ARHGAP19: variants seen among roughly 807,000 people sequenced by gnomAD.
ARHGAP19 encodes the protein rho GTPase-activating protein 19.
ARHGAP19 carries 48 observed loss-of-function variants against 60.9 expected under a neutral mutation model. The ratio of observed to expected loss-of-function variants is 0.79; its 90% CI spans 0.62 to 1.00. The LOEUF is 1.00. Among genes scored for constraint, ARHGAP19 ranks in the 50% least tolerant of loss-of-function variants. The pLI is 0.00. For synonymous variants in ARHGAP19, 209 were observed against 215.5 expected, an observed-to-expected ratio of 0.97 and a Z score of 0.27; for missense variants, 562 against 597.2, an observed-to-expected ratio of 0.94 and a Z score of 0.61.
intron 1 of ARHGAP19, among the ~76,000 whole-genome samples, chr10:97,285,630 T>C (rs1405892185): frequency 1.3e-5 from 2 of 150,668 alleles, no homozygotes; most frequent in Admixed American, 6.6e-5. Context: ...CAAGCAATTA[T>C]CCTGCCTCAG....
At chr10:97,288,036 G>A (rs556761704) in intron 1 of ARHGAP19, among the ~76,000 whole-genome samples, 140 of 152,004 alleles carry the variant, frequency 9.2e-4, no homozygotes, top group African/African-American at 3.1e-3. Flanking sequence ...CATTCCAGCC[G>A]GGGCAACAAG....
chr10:97,266,406 C>A (rs1308004490), intron 1 of ARHGAP19, among the ~76,000 whole-genome samples: 1 of 152,160 alleles, frequency 6.6e-6, no homozygotes, highest in Non-Finnish European at 1.5e-5. Flanking sequence ...ATGCCTCTGA[C>A]CCATTCGTCA....
intron 1 of ARHGAP19, among the ~76,000 whole-genome samples, chr10:97,272,372 C>T (rs1156731033): frequency 1.3e-5 from 2 of 151,976 alleles, no homozygotes; most frequent in Non-Finnish European, 2.9e-5. Flanking sequence ...TGAGCTCAGG[C>T]AATCTGCCCG....
chr10:97,234,810 T>C (rs1851099696), intron 9 of ARHGAP19, among the ~76,000 whole-genome samples: 1 of 152,234 alleles, frequency 6.6e-6, no homozygotes. Context: ...ACTAGCCTAT[T>C]GGAAAATCCA....
rs936678162 is a variant in ARHGAP19, at chr10:97,225,984, G to C, written c.*138C>G. 1 of 847,710 alleles carries C rather than the reference G, an allele frequency of 1.2e-6. No homozygotes were observed. Among genetic ancestry groups the C allele is most frequent in the Non-Finnish European group, 1.9e-6 (1 of 532,108 alleles). 52.5% of individuals were successfully genotyped at this position (847,710 alleles called of 1,614,324 possible). On this transcript the variant is annotated 3_prime_UTR_variant, in exon 12 of 12. Coordinates refer to ENST00000358531, the MANE Select transcript of ARHGAP19 (RefSeq NM_032900.6). ...TGAGTGGGGTTAGAGGTATCAGTCG[G>C]GTCACGGTATTAGTTGGCTTTGACA...
intron 1 of ARHGAP19, chr10:97,277,995 T>A (rs1224571817): frequency 6.6e-6 from 1 of 152,370 alleles, no homozygotes; most frequent in East Asian, 1.9e-4. Context: ...CCACAGTTAC[T>A]ACATCAGGTA....
intron 9 of ARHGAP19, among the ~76,000 whole-genome samples, chr10:97,232,758 CA>C (rs565361873): frequency 4.8e-4 from 69 of 144,444 alleles, no homozygotes; most frequent in Middle Eastern, 3.5e-3. Flanking sequence ...AGCTGTACCT[CA>C]AAAAAAAAAA....
In ARHGAP19 at chr10:97,287,525, T is replaced by C. The variant is rs539998663; in HGVS notation, c.56+5047A>G. Among the ~76,000 whole-genome samples the C allele has an allele frequency of 1.6e-4, 25 of 152,264 alleles. No individual in the cohort carries two copies. The South Asian group carries it at 5.2e-3, about 32-fold the overall frequency. ...GGGAGGCCAAGGCAAGAGGAATGCT[T>C]GAGCCCAGGAGTTTGAGGCCCACCT... On this transcript the variant is annotated intron_variant, in intron 1 of 11. Coordinates refer to ENST00000358531, the MANE Select transcript of ARHGAP19 (RefSeq NM_032900.6).
intron 1 of ARHGAP19, among the ~76,000 whole-genome samples, chr10:97,289,003 G>A (rs11189104): frequency 6.6e-6 from 1 of 151,122 alleles, no homozygotes; most frequent in Non-Finnish European, 1.5e-5. Flanking sequence ...ATTTTTAGTA[G>A]AGACAGGGTT....
chr10:97,279,754 T>C (rs1168723751), intron 1 of ARHGAP19, among the ~76,000 whole-genome samples: 2 of 152,146 alleles, frequency 1.3e-5, no homozygotes, highest in African/African-American at 4.8e-5. Flanking sequence ...CCTCCCAAAG[T>C]GCTGGGATCA....
intron 1 of ARHGAP19, among the ~76,000 whole-genome samples, chr10:97,269,441 T>C (rs1431377293): frequency 1.3e-5 from 2 of 152,168 alleles, no homozygotes; most frequent in Non-Finnish European, 2.9e-5. Flanking sequence ...TTAAAATGCT[T>C]CTCTCTTCAA....
chr10:97,251,943 T>TATAGAGAAACAAGAATTTTACAATTC (rs1842688896), intron 6 of ARHGAP19, among the ~76,000 whole-genome samples: 1 of 150,894 alleles, frequency 6.6e-6, no homozygotes, highest in African/African-American at 2.4e-5. Flanking sequence ...ACAAGAAATT[T>TATAGAGAAACAAGAATTTTACAATTC]ATAGAGAAAC....
intron 1 of ARHGAP19, among the ~76,000 whole-genome samples, chr10:97,282,146 A>G (rs1050771217): frequency 6.6e-6 from 1 of 152,172 alleles, no homozygotes; most frequent in Non-Finnish European, 1.5e-5. Flanking sequence ...CATGTCATCC[A>G]AGCTTAACCA....
chr10:97,264,413 A>G (rs1250162047), intron 3 of ARHGAP19, among the ~76,000 whole-genome samples: 2 of 151,266 alleles, frequency 1.3e-5, no homozygotes, highest in Non-Finnish European at 2.9e-5. Flanking sequence ...AGATCACACC[A>G]CTGCACCCCA....
At chr10:97,231,378 T>G (rs1851013795) in intron 9 of ARHGAP19, among the ~76,000 whole-genome samples, 1 of 152,196 alleles carries the variant, frequency 6.6e-6, no homozygotes, top group Non-Finnish European at 1.5e-5. Context: ...TTAATAGTGT[T>G]GTGCAACCAT....
intron 1 of ARHGAP19, among the ~76,000 whole-genome samples, chr10:97,289,868 AAAG>A (rs1843207169): frequency 6.6e-6 from 1 of 150,752 alleles, no homozygotes; most frequent in African/African-American, 2.5e-5. Flanking sequence ...AAAAAAAAAG[AAAG>A]AAAGAAAGAA....
chr10:97,282,945 C>T (rs778704795), intron 1 of ARHGAP19, among the ~76,000 whole-genome samples: 2 of 149,380 alleles, frequency 1.3e-5, no homozygotes, highest in African/African-American at 4.9e-5. Context: ...CAGGTTCAAG[C>T]GATTCTCCTG....
chr10:97,290,789 T>C (rs1373593367), intron 1 of ARHGAP19, among the ~76,000 whole-genome samples: 2 of 152,086 alleles, frequency 1.3e-5, no homozygotes, highest in African/African-American at 4.8e-5. Flanking sequence ...TGCTAGCCCA[T>C]GCTCCGATGT....
In ARHGAP19 at chr10:97,263,543, T is replaced by C. The variant is rs1842858844; in HGVS notation, c.490A>G (p.Ile164Val). 3 of 1,614,068 alleles carry C rather than the reference T, an allele frequency of 1.9e-6. No homozygotes were observed. The highest frequency in any genetic ancestry group is 1.1e-5 in the South Asian group (1 of 91,088). Residue 164 changes from isoleucine to valine, a missense_variant, in exon 4 of 12, where the codon ATT becomes GTT. Physicochemically the swap from Ile to Val is conservative, Grantham distance 29 (BLOSUM62 3). Coordinates refer to ENST00000358531, the MANE Select transcript of ARHGAP19 (RefSeq NM_032900.6). ...TGAAATTCCCCTGATTCCAAGTCAA[T>C]GTCAGTTCCATTATTGAGAGCATCC... The part of the protein sequence containing the change: ...LRDALNNGTD[I>V]DLESGEFHSN...
Sources: gnomAD v4.1 joint callset for allele counts (sites outside exome capture counted in the v4.1 genomes callset) on GRCh38, gnomAD v4.1.1 for gene constraint, MANE v1.5 for transcripts, NCBI Gene and HGNC (gene_info 2026-07-23, HGNC 2026-07-21) for gene names.